Variants in PDE4D observed in about 807,000 individuals in gnomAD.
PDE4D encodes the protein 3',5'-cyclic-AMP phosphodiesterase 4D.
PDE4D carries 24 observed loss-of-function variants against 87.4 expected under a neutral mutation model. The observed-to-expected ratio is 0.27, with a 90% confidence interval of 0.20 to 0.39. The LOEUF is 0.39. PDE4D is among the 10% of genes least tolerant of loss of function. PDE4D has a pLI of 1.00. For missense variants in PDE4D, 714 were observed against 1,041.0 expected (o/e 0.69, Z 4.32); for synonymous variants, 384 against 383.2 (o/e 1.00, Z -0.02).
In PDE4D at chr5:59,378,352, A is replaced by C. The variant is rs572811231; in HGVS notation, c.456-162384T>G. On this transcript the variant is annotated intron_variant, in intron 1 of 14. Transcript: ENST00000340635. Reference sequence around the variant, plus strand: ...AGTAGGCTTAATACTTGGGTGACAAAATAATGTGTACAAGAAGCCCCTGTG... The same window carrying C: ...AGTAGGCTTAATACTTGGGTGACAACATAATGTGTACAAGAAGCCCCTGTG... 5.3e-5 allele frequency among the ~76,000 whole-genome samples: 8 copies of C among 152,244 alleles called. No individual in the cohort carries two copies. In the South Asian group the frequency reaches 1.7e-3, roughly 32 times the overall value.
At chr5:60,102,977 C>CAA (rs201088621) in intron 2 of PDE4D, among the ~76,000 whole-genome samples, 5 of 122,904 alleles carry the variant, frequency 4.1e-5, no homozygotes, top group South Asian at 2.6e-4. Flanking sequence ...GAAGAAATGA[C>CAA]AAAAAAAAAA....
At chr5:59,430,996 C>T (rs1796026507) in intron 1 of PDE4D, among the ~76,000 whole-genome samples, 1 of 152,012 alleles carries the variant, frequency 6.6e-6, no homozygotes, top group Non-Finnish European at 1.5e-5. Context: ...ATTGTGGGTT[C>T]TTATTCATAA....
intron 4 of PDE4D, 22 bp downstream of exon 4, chr5:59,185,167 G>C (rs765694323): frequency 6.3e-5 from 100 of 1,588,476 alleles, no homozygotes; most frequent in Admixed American, 2.2e-4. Context: ...CAAAAAAGAG[G>C]GGGGAAAAAA....
At chr5:60,485,086 T>G (rs1749031261) in intron 1 of PDE4D, among the ~76,000 whole-genome samples, 1 of 152,208 alleles carries the variant, frequency 6.6e-6, no homozygotes, top group Non-Finnish European at 1.5e-5. Context: ...TTGGAATCAC[T>G]GATTGTCTTG....
intron 1 of PDE4D, among the ~76,000 whole-genome samples, chr5:59,293,411 T>C (rs556772613): frequency 8.5e-5 from 13 of 152,260 alleles, no homozygotes; most frequent in Admixed American, 3.3e-4. Flanking sequence ...CCCAGAGATG[T>C]AGTTTTGAAC....
intron 1 of PDE4D, among the ~76,000 whole-genome samples, chr5:60,426,747 T>C (rs1743757521): frequency 6.6e-6 from 1 of 152,104 alleles, no homozygotes; most frequent in Non-Finnish European, 1.5e-5. Flanking sequence ...ATCTCAAAAT[T>C]ACCCAGATAT....
intron 1 of PDE4D, among the ~76,000 whole-genome samples, chr5:60,448,080 T>C (rs1288578767): frequency 2.0e-5 from 3 of 152,148 alleles, no homozygotes; most frequent in Non-Finnish European, 2.9e-5. Context: ...TTTAAATCTA[T>C]TTGATTCAAA....
chr5:59,930,454 A>C (rs1755791854), intron 3 of PDE4D, among the ~76,000 whole-genome samples: 1 of 152,216 alleles, frequency 6.6e-6, no homozygotes, highest in Non-Finnish European at 1.5e-5. Flanking sequence ...GAATGCCTGG[A>C]ATCAACAGAA....
At chr5:60,453,114 C>A (rs1746220304) in intron 1 of PDE4D, among the ~76,000 whole-genome samples, 1 of 152,116 alleles carries the variant, frequency 6.6e-6, no homozygotes, top group African/African-American at 2.4e-5. Flanking sequence ...CATCTGATTG[C>A]AGCTCAGATC....
chr5:59,032,192 C>A (rs1203463156), intron 6 of PDE4D, among the ~76,000 whole-genome samples: 1 of 151,628 alleles, frequency 6.6e-6, no homozygotes, highest in Non-Finnish European at 1.5e-5. Context: ...TCACATTATA[C>A]CCAAGAAATA....
chr5:60,268,852 T>G (rs1486683082), intron 1 of PDE4D, among the ~76,000 whole-genome samples: 1 of 152,176 alleles, frequency 6.6e-6, no homozygotes, highest in Non-Finnish European at 1.5e-5. Flanking sequence ...ACTAAATAAC[T>G]TACAAGCTTT....
chr5:60,066,639 G>C (rs1020183402), intron 2 of PDE4D, among the ~76,000 whole-genome samples: 2 of 150,584 alleles, frequency 1.3e-5, no homozygotes, highest in Admixed American at 1.3e-4. Flanking sequence ...TCAGGAAAAT[G>C]ACCAAGAAAA....
At chr5:60,159,495 C>A (rs1782289444) in intron 2 of PDE4D, among the ~76,000 whole-genome samples, 1 of 152,028 alleles carries the variant, frequency 6.6e-6, no homozygotes. Context: ...TTTTATATCA[C>A]CGGCCATGCA....
chr5:59,583,649 A>G (rs987169745), intron 1 of PDE4D, among the ~76,000 whole-genome samples: 1 of 152,254 alleles, frequency 6.6e-6, no homozygotes, highest in Non-Finnish European at 1.5e-5. Context: ...AGGACCACTT[A>G]TTAACTTTAA....
At chr5:59,727,159 A>G (rs1190962882) in intron 1 of PDE4D, among the ~76,000 whole-genome samples, 2 of 152,124 alleles carry the variant, frequency 1.3e-5, no homozygotes, top group Non-Finnish European at 2.9e-5. Context: ...AATTAATCCA[A>G]CAATAGCCTC....
intron 2 of PDE4D, among the ~76,000 whole-genome samples, chr5:59,207,905 C>T (rs544030566): frequency 2.6e-4 from 39 of 151,298 alleles, no homozygotes; most frequent in African/African-American, 9.5e-4. Flanking sequence ...AGTCTGTAAT[C>T]CCAGCACTTT....
chr5:59,691,140 A>C (rs865919021), intron 1 of PDE4D, among the ~76,000 whole-genome samples: 1 of 152,238 alleles, frequency 6.6e-6, no homozygotes, highest in African/African-American at 2.4e-5. Flanking sequence ...AAACTAGTTC[A>C]ACCATTGTGG....
intron 1 of PDE4D, among the ~76,000 whole-genome samples, chr5:59,230,610 G>T (rs1754950373): frequency 6.6e-6 from 1 of 152,134 alleles, no homozygotes; most frequent in African/African-American, 2.4e-5. Flanking sequence ...AAAAGTAATA[G>T]TTCTACTATA....
At chr5:59,319,943 G>A (rs759785304) in intron 1 of PDE4D, among the ~76,000 whole-genome samples, 20 of 152,038 alleles carry the variant, frequency 1.3e-4, no homozygotes, top group African/African-American at 1.9e-4. Flanking sequence ...GACAAACACC[G>A]AAAAGTGAAA....
Sources: gnomAD v4.1 joint callset for allele counts (sites outside exome capture counted in the v4.1 genomes callset) on GRCh38, gnomAD v4.1.1 for gene constraint, MANE v1.5 for transcripts, NCBI Gene and HGNC (gene_info 2026-07-23, HGNC 2026-07-21) for gene names.